EXOC6B: variants seen among roughly 807,000 people sequenced by gnomAD.
EXOC6B encodes the protein exocyst complex component 6B, also known as SEC15 homolog B.
In EXOC6B, 54 loss-of-function variants were observed where a neutral mutation model predicts 113.5. The ratio of observed to expected loss-of-function variants is 0.48; its 90% CI spans 0.38 to 0.60. The LOEUF (loss-of-function observed/expected upper bound fraction) is 0.60. Among genes scored for constraint, EXOC6B ranks in the 20% least tolerant of loss-of-function variants. EXOC6B has a pLI of 0.00. For missense variants in EXOC6B, 797 were observed against 977.5 expected, an observed-to-expected ratio of 0.82 and a Z score of 2.46; for synonymous variants, 357 against 339.0, an observed-to-expected ratio of 1.05 and a Z score of -0.58.
intron 20 of EXOC6B, among the ~76,000 whole-genome samples, chr2:72,246,305 T>A (rs1402868214): frequency 4.6e-5 from 7 of 152,150 alleles, no homozygotes; most frequent in African/African-American, 1.2e-4. Flanking sequence ...ACTTTATATT[T>A]CCCCTTTCAT....
chr2:72,368,720 C>G lies in EXOC6B; in HGVS notation c.2122+11009G>C, dbSNP rs571789420. Reference sequence around the variant, plus strand: ...CAAGGCTGGTCCAACAAATGCAAATCAATAAACATAATCCAGCATATAAAC... The same window carrying G: ...CAAGGCTGGTCCAACAAATGCAAATGAATAAACATAATCCAGCATATAAAC... On this transcript the variant is annotated intron_variant, in intron 19 of 21. Coordinates refer to ENST00000272427, the MANE Select transcript of EXOC6B (RefSeq NM_015189.3). Among the ~76,000 whole-genome samples, 11 of 152,274 alleles carry G rather than the reference C, an allele frequency of 7.2e-5. No homozygotes were observed. In the South Asian group the frequency reaches 1.7e-3, roughly 23 times the overall value.
chr2:72,432,405 T>C (rs1427493222), intron 18 of EXOC6B, among the ~76,000 whole-genome samples: 1 of 152,232 alleles, frequency 6.6e-6, no homozygotes, highest in African/African-American at 2.4e-5. Flanking sequence ...TGTGTCTTTA[T>C]GGTAGAATGA....
chr2:72,288,606 G>GTAGATACTATATAATCCCAC (rs1446238745), intron 20 of EXOC6B, among the ~76,000 whole-genome samples: 2 of 151,862 alleles, frequency 1.3e-5, no homozygotes, highest in Admixed American at 6.6e-5. Context: ...ACATAAAAGA[G>GTAGATACTATATAATCCCAC]TAGATACTAT....
chr2:72,490,223 G>A (rs2105533318), intron 16 of EXOC6B, among the ~76,000 whole-genome samples: 1 of 152,104 alleles, frequency 6.6e-6, no homozygotes, highest in South Asian at 2.1e-4. Flanking sequence ...ATAGGTTTGG[G>A]GAAAAAAACC....
rs923877882 is a variant in EXOC6B, at chr2:72,508,184, A to AAAAAAAAAAAAAC, written c.1167+4947_1167+4948insGTTTTTTTTTTTT. Among the ~76,000 whole-genome samples, 241 of 88,952 alleles carry AAAAAAAAAAAAAC rather than the reference A, an allele frequency of 2.7e-3. 2 individuals carry two copies. Among genetic ancestry groups the AAAAAAAAAAAAAC allele is most frequent in the African/African-American group, 7.7e-3 (115 of 14,924 alleles). 58.4% of individuals were successfully genotyped at this position (88,952 alleles called of 152,430 possible). A position where few individuals can be genotyped will look rare whatever the true frequency, so the allele number is the denominator to read the frequency against. ...CCCGCAAAAAAAAAAAAAAAAAAAA[A>AAAAAAAAAAAAAC]ACACCTAAAAACAGTACTTTGATGG... On this transcript the variant is annotated intron_variant, in intron 11 of 21. Transcript: ENST00000272427.
chr2:72,374,185 T>C (rs1271405017), intron 19 of EXOC6B, among the ~76,000 whole-genome samples: 1 of 152,224 alleles, frequency 6.6e-6, no homozygotes, highest in Non-Finnish European at 1.5e-5. Context: ...TAGGTATTTA[T>C]TCAAATGAAA....
At chr2:72,496,948 CATTATTATTATTATTATT>C (rs57708306) in intron 13 of EXOC6B, among the ~76,000 whole-genome samples, 75 of 137,836 alleles carry the variant, frequency 5.4e-4, no homozygotes, top group South Asian at 3.0e-3. Context: ...TATAAATGTA[CATTATTATTATTATTATT>C]ATTATTATTA....
At chr2:72,183,449 C>T (rs1363880643) in intron 21 of EXOC6B, among the ~76,000 whole-genome samples, 3 of 152,198 alleles carry the variant, frequency 2.0e-5, no homozygotes, top group Admixed American at 6.5e-5. Context: ...AGTGGTAGCA[C>T]CTCTGCTTCA....
intron 6 of EXOC6B, among the ~76,000 whole-genome samples, chr2:72,604,661 A>G (rs368600812): frequency 1.2e-4 from 18 of 152,338 alleles, no homozygotes; most frequent in African/African-American, 3.6e-4. Flanking sequence ...TAACTCATGT[A>G]CATAACTGTA....
At chr2:72,275,882 A>G (rs1337788871) in intron 20 of EXOC6B, among the ~76,000 whole-genome samples, 1 of 152,146 alleles carries the variant, frequency 6.6e-6, no homozygotes, top group Non-Finnish European at 1.5e-5. Flanking sequence ...GGTGGTCTAC[A>G]TGGAGTAAAT....
intron 18 of EXOC6B, among the ~76,000 whole-genome samples, chr2:72,459,119 A>C (rs1423630966): frequency 1.3e-5 from 2 of 151,888 alleles, no homozygotes; most frequent in Non-Finnish European, 1.5e-5. Flanking sequence ...TGATTATCTC[A>C]ATAGAGGCAG....
intron 11 of EXOC6B, 53 bp downstream of exon 11, chr2:72,513,079 A>G: frequency 6.3e-7 from 1 of 1,598,540 alleles, no homozygotes; most frequent in Non-Finnish European, 8.5e-7. Context: ...TAAAACACTG[A>G]ATATATAGAT....
At chr2:72,259,378 G>A (rs1683565284) in intron 20 of EXOC6B, among the ~76,000 whole-genome samples, 1 of 152,056 alleles carries the variant, frequency 6.6e-6, no homozygotes, top group Non-Finnish European at 1.5e-5. Context: ...CTTTTTTATT[G>A]AAGAATAGTA....
At chr2:72,806,149 A>G (rs1052360894) in intron 1 of EXOC6B, among the ~76,000 whole-genome samples, 1 of 152,132 alleles carries the variant, frequency 6.6e-6, no homozygotes, top group Non-Finnish European at 1.5e-5. Context: ...ACAGTACCCA[A>G]TAGGTAGTTT....
intron 19 of EXOC6B, among the ~76,000 whole-genome samples, chr2:72,335,548 GCACA>G (rs70963124): frequency 0.43 from 58,251 of 134,524 alleles, 14,247 homozygotes; most frequent in East Asian, 0.71. Flanking sequence ...CTGCATTATT[GCACA>G]CACACACACA....
chr2:72,608,618 A>G (rs1376510328), intron 6 of EXOC6B, among the ~76,000 whole-genome samples: 1 of 152,128 alleles, frequency 6.6e-6, no homozygotes, highest in African/African-American at 2.4e-5. Flanking sequence ...CTTTCCATTC[A>G]TGTTAGTGTT....
At chr2:72,802,099 C>T (rs972685276) in intron 1 of EXOC6B, among the ~76,000 whole-genome samples, 1 of 152,170 alleles carries the variant, frequency 6.6e-6, no homozygotes, top group Admixed American at 6.5e-5. Flanking sequence ...CCAAGGCAGG[C>T]GGATCACAAG....
chr2:72,231,164 A>C (rs1193150168), intron 20 of EXOC6B, among the ~76,000 whole-genome samples: 1 of 152,042 alleles, frequency 6.6e-6, no homozygotes, highest in Non-Finnish European at 1.5e-5. Context: ...GCATATATAC[A>C]CTCCCTCTCT....
intron 20 of EXOC6B, among the ~76,000 whole-genome samples, chr2:72,259,323 GT>G (rs1233971539): frequency 6.6e-6 from 1 of 152,098 alleles, no homozygotes; most frequent in African/African-American, 2.4e-5. Context: ...CATTCAGTAT[GT>G]TTTAGAAATG....
Sources: allele counts gnomAD v4.1 joint callset (sites outside exome capture counted in the v4.1 genomes callset), GRCh38; gene constraint gnomAD v4.1.1; transcripts MANE v1.5; gene names NCBI Gene and HGNC (gene_info 2026-07-23, HGNC 2026-07-21).